Variants in ZNF81 observed in about 807,000 individuals in gnomAD.
The protein encoded by ZNF81 is zinc finger protein 81 (HFZ20).
A neutral mutation model predicts 32.3 loss-of-function variants in ZNF81; 5 were observed. That is an observed-to-expected ratio of 0.15 (90% CI 0.08 to 0.33). The LOEUF is 0.33. Ranked by LOEUF, ZNF81 falls within the 10% of genes least tolerant of loss-of-function variation. The pLI, the probability that ZNF81 is intolerant of heterozygous loss-of-function variation, is 1.00. For missense variants in ZNF81, 379 were observed against 479.8 expected, an observed-to-expected ratio of 0.79 and a Z score of 1.96; for synonymous variants, 163 against 166.8, an observed-to-expected ratio of 0.98 and a Z score of 0.17.
At chrX:47,903,033 T>C (rs957079197) in intron 4 of ZNF81, among the ~76,000 whole-genome samples, 5 of 111,832 alleles carry the variant, frequency 4.5e-5, no homozygotes, top group African/African-American at 1.3e-4. Flanking sequence ...GAACTCTCAA[T>C]AAATTACGTA....
At chrX:47,878,571 GA>G (rs1259651052) in intron 2 of ZNF81, among the ~76,000 whole-genome samples, 20 of 112,193 alleles carry the variant, frequency 1.8e-4, no homozygotes, top group African/African-American at 6.5e-4. Flanking sequence ...TGAGAGTTTG[GA>G]ATAACTAGGA....
At chrX:47,870,264 A>G (rs1420862373) in intron 2 of ZNF81, among the ~76,000 whole-genome samples, 1 of 112,106 alleles carries the variant, frequency 8.9e-6, no homozygotes, top group African/African-American at 3.2e-5. Flanking sequence ...TCAGACCCAC[A>G]TCATAGGTCT....
intron 2 of ZNF81, among the ~76,000 whole-genome samples, chrX:47,850,936 A>C (rs5906489): frequency 0.029 from 922 of 31,958 alleles, 21 homozygotes; most frequent in Middle Eastern, 0.054. Flanking sequence ...CACACACACA[A>C]CCCAACACCC....
chrX:47,902,676 G>T (rs190312342), intron 4 of ZNF81, among the ~76,000 whole-genome samples: 5 of 112,362 alleles, frequency 4.4e-5, no homozygotes, highest in Non-Finnish European at 7.5e-5. Flanking sequence ...TGAAAAGTAA[G>T]CAACACACAT....
chrX:47,877,706 C>G (rs1315749886), intron 2 of ZNF81, among the ~76,000 whole-genome samples: 1 of 111,936 alleles, frequency 8.9e-6, no homozygotes, highest in Non-Finnish European at 1.9e-5. Context: ...TTTAAGATGT[C>G]CATTTTAAGC....
intron 2 of ZNF81, among the ~76,000 whole-genome samples, chrX:47,874,942 A>G (rs1556884366): frequency 9.0e-6 from 1 of 111,729 alleles, no homozygotes; most frequent in African/African-American, 3.3e-5. Flanking sequence ...GAATCAGGGC[A>G]CACAAACCTC....
At chrX:47,858,402 T>C (rs782625472) in intron 2 of ZNF81, among the ~76,000 whole-genome samples, 2 of 112,258 alleles carry the variant, frequency 1.8e-5, no homozygotes, top group South Asian at 3.7e-4. Flanking sequence ...TTCCTTTGTC[T>C]TGTCTTATAC....
intron 1 of ZNF81, among the ~76,000 whole-genome samples, chrX:47,843,502 T>C (rs1415777431): frequency 9.1e-6 from 1 of 109,384 alleles, no homozygotes; most frequent in Non-Finnish European, 1.9e-5. Context: ...AGAGAGTTTT[T>C]TTTATGACAT....
chrX:47,872,460 C>T (rs2058584147), intron 2 of ZNF81, among the ~76,000 whole-genome samples: 1 of 111,116 alleles, frequency 9.0e-6, no homozygotes, highest in South Asian at 3.8e-4. Context: ...GTCCGGAAAC[C>T]CTTGAGAGAC....
rs192034928 is a variant in ZNF81 at position 47,879,656 on chromosome X, G to A, written c.55-8343G>A. 4.0e-3 allele frequency among the ~76,000 whole-genome samples: 444 copies of A among 112,122 alleles called. 1 individual carries two copies. Among genetic ancestry groups the A allele is most frequent in the Non-Finnish European group, 6.8e-3 (364 of 53,210 alleles). On this transcript the variant is annotated intron_variant, in intron 2 of 4. Transcript: ENST00000338637. ...CCTTTGTCCTGAAGGGAGAAATTAC[G>A]TTTAGTATAATTTCTAGTATAACCT...
At chrX:47,849,163 G>C (rs1189931525) in intron 2 of ZNF81, among the ~76,000 whole-genome samples, 2 of 111,705 alleles carry the variant, frequency 1.8e-5, no homozygotes, top group South Asian at 3.7e-4. Context: ...ATATATACAG[G>C]GGGGTGAAGT....
chrX:47,895,958 A>C lies in ZNF81; in HGVS notation c.277+18A>C. 8.8e-7 allele frequency: 1 copy of C among 1,135,877 alleles called. No homozygotes were observed. Among genetic ancestry groups the C allele is most frequent in the South Asian group, 1.8e-5 (1 of 54,283 alleles). 93.6% of individuals were successfully genotyped at this position (1,135,877 alleles called of 1,213,427 possible). A position where few individuals can be genotyped will look rare whatever the true frequency, so the allele number is the denominator to read the frequency against. On this transcript the variant is annotated intron_variant, in intron 4 of 4. Coordinates refer to ENST00000338637, the MANE Select transcript of ZNF81 (RefSeq NM_007137.5). Reference sequence around the variant, plus strand: ...CTGTTCAGGTGAGTGGGTGTGACCCAGGCAGATGGGGACACGAAGTAATTT... The same window carrying C: ...CTGTTCAGGTGAGTGGGTGTGACCCCGGCAGATGGGGACACGAAGTAATTT...
chrX:47,920,248 T>C lies in ZNF81; in HGVS notation c.*3616T>C, dbSNP rs958771509. 5.3e-5 allele frequency: 6 copies of C among 112,250 alleles called. No homozygotes were observed. Among genetic ancestry groups the C allele is most frequent in the Non-Finnish European group, 7.5e-5 (4 of 53,274 alleles). The allele number at this position is 112,250 out of a possible 1,213,427, so 9.3% of individuals were successfully genotyped here. ...CCCAGACCACACTTGCCTTTAGGCC[T>C]GTAGGCCTTTCCTGTGTGCCTGCAT... is the stretch of plus-strand genomic sequence containing the variant. On this transcript the variant is annotated 3_prime_UTR_variant, in exon 5 of 5. Transcript: ENST00000338637.
chrX:47,837,455 C>T (rs1033679737), intron 1 of ZNF81, among the ~76,000 whole-genome samples: 3 of 112,013 alleles, frequency 2.7e-5, no homozygotes, highest in African/African-American at 9.7e-5. Flanking sequence ...TCTATTACTT[C>T]GAGGAGAGAG....
Position 47,915,881 on chromosome X carries a change from G to C in ZNF81, c.1235G>C (p.Arg412Thr), listed in dbSNP as rs1556890697. The change falls in exon 5 of 5, where the codon AGA becomes ACA. Residue 412 changes from arginine (R) to threonine (T), a missense_variant. Coordinates refer to ENST00000338637, the MANE Select transcript of ZNF81 (RefSeq NM_007137.5). ...CATCAGAAAATTCACACTGGAGAGA[G>C]ACATCACAAATGCAGTGAGTGTGGG... ...NIHQKIHTGE[R>T]HHKCSECGKA... 1.7e-6 allele frequency: 2 copies of C among 1,209,585 alleles called. No homozygotes were observed. Among genetic ancestry groups the C allele is most frequent in the South Asian group, 3.5e-5 (2 of 56,725 alleles).
chrX:47,909,487 G>T (rs1429297969), intron 4 of ZNF81, among the ~76,000 whole-genome samples: 3 of 110,515 alleles, frequency 2.7e-5, no homozygotes, highest in Admixed American at 1.9e-4. Context: ...TCTTCCATTT[G>T]GAACACTTAA....
chrX:47,856,461 T>G (rs532714738), intron 2 of ZNF81, among the ~76,000 whole-genome samples: 1 of 111,387 alleles, frequency 9.0e-6, no homozygotes, highest in South Asian at 3.7e-4. Context: ...ACCAAAAATT[T>G]TATGTGCCAA....
At chrX:47,898,243 G>A (rs782271203) in intron 4 of ZNF81, among the ~76,000 whole-genome samples, 7 of 110,937 alleles carry the variant, frequency 6.3e-5, no homozygotes, top group Non-Finnish European at 1.3e-4. Context: ...CAACCTGTGA[G>A]AGCTCAATAA....
chrX:47,901,764 C>T (rs782639867), intron 4 of ZNF81, among the ~76,000 whole-genome samples: 3 of 71,360 alleles, frequency 4.2e-5, no homozygotes, highest in Middle Eastern at 6.8e-3. Context: ...GTTTTGTGGG[C>T]GGGGGGGGGT....
Sources: gnomAD v4.1 joint callset for allele counts (sites outside exome capture counted in the v4.1 genomes callset) on GRCh38, gnomAD v4.1.1 for gene constraint, MANE v1.5 for transcripts, NCBI Gene and HGNC (gene_info 2026-07-23, HGNC 2026-07-21) for gene names.